The following ARHGAP26 variants were observed in gnomAD, a reference collection of about 807,000 sequenced individuals.
ARHGAP26 encodes Rho GTPase activating protein 26.
A neutral mutation model predicts 104.8 loss-of-function variants in ARHGAP26; 38 were observed. The observed-to-expected ratio is 0.36, with a 90% CI of 0.28 to 0.48. ARHGAP26 has a LOEUF of 0.48. Ranked by LOEUF, ARHGAP26 falls within the 20% of genes least tolerant of loss-of-function variation. The probability of loss-of-function intolerance (pLI) is 0.99; values close to 1 mark genes in which losing one functional copy is unlikely to be tolerated. For synonymous variants in ARHGAP26, 341 were observed against 340.0 expected (o/e 1.00, Z -0.03); for missense variants, 704 against 947.9 (o/e 0.74, Z 3.38).
chr5:142,996,933 C>T (rs995235704), intron 11 of ARHGAP26, among the ~76,000 whole-genome samples: 5 of 152,104 alleles, frequency 3.3e-5, no homozygotes, highest in Non-Finnish European at 7.4e-5. Flanking sequence ...CTATGGAACT[C>T]TCATAATGTA....
At position 143,128,919 on chromosome 5, in the gene ARHGAP26, A is replaced by G. The variant is rs1040768825; in HGVS notation, c.1699-5048A>G. Reference sequence around the variant, plus strand: ...CGTCATGACCTAATTTCCCTCCCATAAAAATCACAGCACATAATAAAGAGT... The same window carrying G: ...CGTCATGACCTAATTTCCCTCCCATGAAAATCACAGCACATAATAAAGAGT... On this transcript the variant is annotated intron_variant, in intron 18 of 22. Coordinates refer to ENST00000645722, the MANE Select transcript of ARHGAP26 (RefSeq NM_001135608.3). 4.0e-4 allele frequency among the ~76,000 whole-genome samples: 61 copies of G among 152,336 alleles called. 1 individual carries two copies. The highest frequency in any genetic ancestry group is 4.4e-4 in the Non-Finnish European group (30 of 68,022).
chr5:142,858,090 T>TGAGA (rs1561963151), intron 1 of ARHGAP26, among the ~76,000 whole-genome samples: 1 of 137,090 alleles, frequency 7.3e-6, no homozygotes, highest in East Asian at 2.4e-4. Context: ...TGTGTGTGTG[T>TGAGA]GTGTGAGAGA....
intron 1 of ARHGAP26, among the ~76,000 whole-genome samples, chr5:142,814,035 T>C (rs958459543): frequency 5.9e-5 from 9 of 152,242 alleles, no homozygotes; most frequent in Admixed American, 2.0e-4. Flanking sequence ...GCAAGTTGGC[T>C]GTTCCTCAGG....
chr5:142,865,800 A>G (rs1265083057), intron 1 of ARHGAP26, among the ~76,000 whole-genome samples: 3 of 152,186 alleles, frequency 2.0e-5, no homozygotes, highest in Admixed American at 6.5e-5. Flanking sequence ...TTAGCTTGGC[A>G]TACAGGTCCT....
At position 142,894,227 on chromosome 5, in the gene ARHGAP26, C is replaced by T; in HGVS notation, c.487-11C>T. 6.2e-7 allele frequency: 1 copy of T among 1,611,046 alleles called. No homozygotes were observed. Among genetic ancestry groups the T allele is most frequent in the African/African-American group, 1.3e-5 (1 of 74,852 alleles). On this transcript the variant is annotated splice_polypyrimidine_tract_variant and intron_variant, in intron 5 of 22. Transcript: ENST00000645722. Reference sequence around the variant, plus strand: ...ACTTGATTTTTCTCTTAAATTCCATCTTGTTTGTAGGCAGACAGCCAAGTG... The same window carrying T: ...ACTTGATTTTTCTCTTAAATTCCATTTTGTTTGTAGGCAGACAGCCAAGTG...
chr5:143,082,862 G>T (rs1215873596), intron 17 of ARHGAP26, among the ~76,000 whole-genome samples: 3 of 152,152 alleles, frequency 2.0e-5, no homozygotes, highest in Non-Finnish European at 4.4e-5. Context: ...CTGTTTAAAA[G>T]AGTTTTCCTT....
chr5:143,053,678 G>A (rs928090658), intron 14 of ARHGAP26, among the ~76,000 whole-genome samples: 2 of 152,336 alleles, frequency 1.3e-5, no homozygotes, highest in Admixed American at 1.3e-4. Flanking sequence ...AATTGTCAGA[G>A]CTGATATGGT....
intron 20 of ARHGAP26, chr5:143,169,435 C>G (rs544210032): frequency 6.6e-6 from 1 of 152,268 alleles, no homozygotes; most frequent in African/African-American, 2.4e-5. Context: ...TTCCTCTTTG[C>G]TGACTCTCCT....
chr5:143,158,756 T>C (rs1474784857), intron 20 of ARHGAP26, among the ~76,000 whole-genome samples: 3 of 152,220 alleles, frequency 2.0e-5, no homozygotes, highest in African/African-American at 2.4e-5. Context: ...ATTCCCTGGC[T>C]GTTGTCAAAA....
intron 21 of ARHGAP26, among the ~76,000 whole-genome samples, chr5:143,209,980 A>G (rs1268858418): frequency 3.3e-5 from 5 of 152,164 alleles, no homozygotes; most frequent in African/African-American, 9.7e-5. Context: ...CCACTTCCAG[A>G]GCATGAAGCT....
chr5:142,967,504 G>A (rs911826638), intron 11 of ARHGAP26, among the ~76,000 whole-genome samples: 14 of 152,166 alleles, frequency 9.2e-5, no homozygotes, highest in Admixed American at 4.6e-4. Context: ...TTAAGAGGCC[G>A]GGTGCGGTGG....
At chr5:142,992,985 ATTTT>A (rs1775841382) in intron 11 of ARHGAP26, among the ~76,000 whole-genome samples, 1 of 151,288 alleles carries the variant, frequency 6.6e-6, no homozygotes. Flanking sequence ...CTTTATTTTT[ATTTT>A]TATTTTTTTT....
intron 1 of ARHGAP26, among the ~76,000 whole-genome samples, chr5:142,835,978 G>T (rs892550912): frequency 6.6e-6 from 1 of 152,210 alleles, no homozygotes; most frequent in African/African-American, 2.4e-5. Context: ...GCAATTCACA[G>T]AGTTAGTAAA....
chr5:143,016,022 G>A (rs79199045), intron 12 of ARHGAP26, among the ~76,000 whole-genome samples: 1,673 of 152,334 alleles, frequency 0.011, 18 homozygotes, highest in African/African-American at 0.027. Context: ...TTGTTGGGGC[G>A]TTGGTGATAA....
intron 18 of ARHGAP26, among the ~76,000 whole-genome samples, chr5:143,123,992 A>G (rs1796433503): frequency 1.3e-5 from 2 of 152,028 alleles, no homozygotes; most frequent in African/African-American, 4.8e-5. Context: ...CAAACACACA[A>G]TGTCTAGGGG....
At chr5:142,973,323 G>A (rs71592149) in intron 11 of ARHGAP26, among the ~76,000 whole-genome samples, 5,578 of 152,256 alleles carry the variant, frequency 0.037, 229 homozygotes, top group East Asian at 0.13. Flanking sequence ...TGTGATGCAG[G>A]TCTGTGTGTC....
chr5:142,890,642 G>A (rs894634016), intron 5 of ARHGAP26, among the ~76,000 whole-genome samples: 1 of 152,090 alleles, frequency 6.6e-6, no homozygotes, highest in African/African-American at 2.4e-5. Context: ...GAGAAGTGTA[G>A]TAGCCCAGAG....
intron 14 of ARHGAP26, among the ~76,000 whole-genome samples, chr5:143,045,467 A>G (rs539497803): frequency 8.4e-4 from 128 of 152,340 alleles, no homozygotes; most frequent in Middle Eastern, 3.4e-3. Context: ...TTTTGTGAAC[A>G]TGCCCACAAC....
At chr5:142,879,294 A>G (rs1756588178) in intron 3 of ARHGAP26, 80 bp from the exon 4 acceptor site, 1 of 1,303,618 alleles carries the variant, frequency 7.7e-7, no homozygotes, top group Admixed American at 1.7e-5. Context: ...ATGGGGAGGC[A>G]TCTCATGCTG....
Sources: allele counts gnomAD v4.1 joint callset (sites outside exome capture counted in the v4.1 genomes callset), GRCh38; gene constraint gnomAD v4.1.1; transcripts MANE v1.5; gene names NCBI Gene and HGNC (gene_info 2026-07-23, HGNC 2026-07-21).